Variants in SYT1 observed in about 807,000 individuals in gnomAD.
The protein encoded by SYT1 is synaptotagmin 1.
A neutral mutation model predicts 44.8 loss-of-function variants in SYT1; 8 were observed. The ratio of observed to expected loss-of-function variants is 0.18; its 90% CI spans 0.10 to 0.32. The LOEUF (loss-of-function observed/expected upper bound fraction) is 0.32, where lower values mean the gene tolerates loss of function less well. Among genes scored for constraint, SYT1 ranks in the 10% least tolerant of loss-of-function variants. SYT1 has a pLI of 1.00. For missense variants in SYT1, 286 were observed against 509.3 expected, an observed-to-expected ratio of 0.56 and a Z score of 4.22; for synonymous variants, 154 against 188.8, an observed-to-expected ratio of 0.82 and a Z score of 1.51.
intron 3 of SYT1, among the ~76,000 whole-genome samples, chr12:79,197,447 T>C (rs1873529352): frequency 6.6e-6 from 1 of 152,108 alleles, no homozygotes; most frequent in South Asian, 2.1e-4. Flanking sequence ...CTATGTCTCA[T>C]GCAGAGCAAT....
At chr12:79,054,086 T>C (rs907949098) in intron 3 of SYT1, among the ~76,000 whole-genome samples, 3 of 152,080 alleles carry the variant, frequency 2.0e-5, no homozygotes, top group Admixed American at 6.6e-5. Flanking sequence ...GATGTTATAG[T>C]GGTTTTGCAG....
intron 3 of SYT1, among the ~76,000 whole-genome samples, chr12:79,200,787 T>A (rs1873739411): frequency 6.6e-6 from 1 of 151,792 alleles, no homozygotes; most frequent in African/African-American, 2.4e-5. Flanking sequence ...CAACATAGAG[T>A]TTCTAGCTTC....
chr12:79,145,827 G>C (rs919689238), intron 3 of SYT1, among the ~76,000 whole-genome samples: 3 of 150,884 alleles, frequency 2.0e-5, no homozygotes, highest in South Asian at 2.1e-4. Flanking sequence ...GCGGGATCTC[G>C]GCTCACTGCA....
chr12:79,043,879 C>T (rs1414194405), intron 2 of SYT1, among the ~76,000 whole-genome samples: 1 of 152,078 alleles, frequency 6.6e-6, no homozygotes, highest in Non-Finnish European at 1.5e-5. Context: ...TTCTCCTTCG[C>T]TTATGAAGTT....
intron 2 of SYT1, among the ~76,000 whole-genome samples, chr12:78,985,291 T>C (rs1869564337): frequency 6.6e-6 from 1 of 151,902 alleles, no homozygotes; most frequent in Non-Finnish European, 1.5e-5. Context: ...AAACCTAAAT[T>C]TCTGAAATAT....
At chr12:79,014,493 A>G (rs1022605940) in intron 2 of SYT1, among the ~76,000 whole-genome samples, 11 of 152,196 alleles carry the variant, frequency 7.2e-5, no homozygotes, top group Non-Finnish European at 1.5e-4. Context: ...AGAGAAATGC[A>G]AATCAAAACC....
intron 1 of SYT1, among the ~76,000 whole-genome samples, chr12:78,917,015 C>T (rs1346307967): frequency 6.6e-6 from 1 of 151,994 alleles, no homozygotes; most frequent in Non-Finnish European, 1.5e-5. Flanking sequence ...TCATTGAAGC[C>T]CTGACCTCAA....
Position 79,365,608 on chromosome 12 carries a change from G to C in SYT1, c.928+11989G>C, listed in dbSNP as rs143782306. 4.4e-3 allele frequency among the ~76,000 whole-genome samples: 667 copies of C among 152,110 alleles called. 3 individuals carry two copies. Among genetic ancestry groups the C allele is most frequent in the African/African-American group, 0.014 (597 of 41,536 alleles). ...AGAGTTTCTACATATCAGTGAGAAA[G>C]AAAAGCAATAGGAGAAAGTCTCTAT... On this transcript the variant is annotated intron_variant, in intron 9 of 10. Transcript: ENST00000261205.
chr12:78,931,179 A>AAAGGAAAGAAAGAAAGAAAG (rs1877622006), intron 1 of SYT1, among the ~76,000 whole-genome samples: 2 of 59,844 alleles, frequency 3.3e-5, no homozygotes, highest in African/African-American at 1.6e-4. Context: ...GAAAGAAAGA[A>AAAGGAAAGAAAGAAAGAAAG]AAAGAAAGAA....
intron 9 of SYT1, among the ~76,000 whole-genome samples, chr12:79,419,522 T>G (rs1467659034): frequency 6.6e-6 from 1 of 152,162 alleles, no homozygotes; most frequent in Non-Finnish European, 1.5e-5. Flanking sequence ...ACTTCTCCAG[T>G]GTTGGCTGTT....
intron 3 of SYT1, among the ~76,000 whole-genome samples, chr12:79,112,067 A>T (rs1432902490): frequency 6.6e-6 from 1 of 151,970 alleles, no homozygotes; most frequent in East Asian, 1.9e-4. Flanking sequence ...CAAAGCAAGA[A>T]AGACATGGTA....
Position 79,145,748 on chromosome 12 carries a change from T to TG in SYT1, c.-17-71755_-17-71754insG, listed in dbSNP as rs1565825829. Among the ~76,000 whole-genome samples, 46 of 148,358 alleles carry TG rather than the reference T, an allele frequency of 3.1e-4. No homozygotes were observed. The East Asian group carries it at 3.5e-3, about 11-fold the overall frequency. On this transcript the variant is annotated intron_variant, in intron 3 of 10. Transcript: ENST00000261205. ...ATTTAAACATAGTGGTTTTTTTTTTTTTTTGTTTGTTTGTTTGTTTGTTTT... is the reference window on the plus strand; with the variant it reads ...ATTTAAACATAGTGGTTTTTTTTTTTGTTTTGTTTGTTTGTTTGTTTGTTTT...
chr12:79,011,737 G>C (rs145417780), intron 2 of SYT1, among the ~76,000 whole-genome samples: 1 of 151,118 alleles, frequency 6.6e-6, no homozygotes, highest in Non-Finnish European at 1.5e-5. Flanking sequence ...AGTAGATCCT[G>C]GGAATCTGCA....
chr12:79,046,005 A>T (rs542028626), intron 2 of SYT1, among the ~76,000 whole-genome samples: 1 of 152,310 alleles, frequency 6.6e-6, no homozygotes, highest in East Asian at 1.9e-4. Context: ...ATAAAAAAGA[A>T]GTGTCCGTAT....
intron 9 of SYT1, among the ~76,000 whole-genome samples, chr12:79,434,278 C>G (rs1425860012): frequency 6.6e-6 from 1 of 152,152 alleles, no homozygotes; most frequent in African/African-American, 2.4e-5. Context: ...AATGTAAATT[C>G]ATTTTTAAAT....
intron 8 of SYT1, among the ~76,000 whole-genome samples, chr12:79,307,106 T>A (rs1592949106): frequency 6.6e-6 from 1 of 152,322 alleles, no homozygotes; most frequent in East Asian, 1.9e-4. Flanking sequence ...CTACCTACCT[T>A]TGAGCAGGCC....
intron 8 of SYT1, among the ~76,000 whole-genome samples, chr12:79,327,996 T>A (rs544487309): frequency 6.6e-6 from 1 of 152,110 alleles, no homozygotes; most frequent in East Asian, 1.9e-4. Flanking sequence ...AGGTGGGAGT[T>A]AACATTTTAA....
intron 3 of SYT1, among the ~76,000 whole-genome samples, chr12:79,090,117 C>A (rs1163085561): frequency 5.3e-5 from 8 of 152,026 alleles, no homozygotes; most frequent in African/African-American, 1.9e-4. Flanking sequence ...ACTATACCTC[C>A]TGCTTGCTTT....
intron 1 of SYT1, among the ~76,000 whole-genome samples, chr12:78,970,700 C>A (rs771130158): frequency 9.9e-5 from 15 of 152,154 alleles, no homozygotes; most frequent in Non-Finnish European, 1.9e-4. Context: ...GCCTTTAGCA[C>A]ATACACTATA....
Sources: allele counts gnomAD v4.1 joint callset (sites outside exome capture counted in the v4.1 genomes callset), GRCh38; gene constraint gnomAD v4.1.1; transcripts MANE v1.5; gene names NCBI Gene and HGNC (gene_info 2026-07-23, HGNC 2026-07-21).